The following NIPAL3 variants were observed in gnomAD, a reference collection of about 807,000 sequenced individuals.
NIPAL3 encodes the protein NIPA-like protein 3.
NIPAL3 carries 41 observed loss-of-function variants against 47.2 expected under a neutral mutation model. That is an observed-to-expected ratio of 0.87 (90% CI 0.68 to 1.13). The LOEUF (loss-of-function observed/expected upper bound fraction) is 1.13, where lower values mean the gene tolerates loss of function less well. NIPAL3 is among the 50% of genes most tolerant of loss of function. The pLI is 0.00. For missense variants in NIPAL3, 449 were observed against 530.1 expected (o/e 0.85, Z 1.50); for synonymous variants, 194 against 209.6 (o/e 0.93, Z 0.64).
At chr1:24,421,820 G>A (rs6686862) in intron 2 of NIPAL3, 17,182 of 152,232 alleles carry the variant, frequency 0.11, 1,018 homozygotes, top group African/African-American at 0.14. Context: ...TTAGAGACAA[G>A]GAGACTGAGA....
intron 2 of NIPAL3, among the ~76,000 whole-genome samples, chr1:24,434,202 C>T (rs747760203): frequency 6.6e-6 from 1 of 151,928 alleles, no homozygotes; most frequent in Non-Finnish European, 1.5e-5. Context: ...ACAAAAGATT[C>T]CCTTTAAATT....
rs1646104990 is a variant in NIPAL3, at chr1:24,454,489, C to T, written c.637+985C>T. 6.0e-6 allele frequency: 6 copies of T among 992,070 alleles called. No homozygotes were observed. In the South Asian group the frequency reaches 2.7e-4, roughly 45 times the overall value. The allele number at this position is 992,070 out of a possible 1,614,324, so 61.5% of individuals were successfully genotyped here. A position where few individuals can be genotyped will look rare whatever the true frequency, so the allele number is the denominator to read the frequency against. ...AACCTTCCTACTGTGTGCCCTACCACCGCCACAAGCCATCAACCAAATAGA... is the reference window on the plus strand; with the variant it reads ...AACCTTCCTACTGTGTGCCCTACCATCGCCACAAGCCATCAACCAAATAGA... On this transcript the variant is annotated intron_variant, in intron 7 of 11. Coordinates refer to ENST00000374399, the MANE Select transcript of NIPAL3 (RefSeq NM_020448.5). The surrounding 1 kb of genome is among the most constrained non-coding windows in gnomAD (Gnocchi z 4.1).
At position 24,469,119 on chromosome 1, in the gene NIPAL3, A is replaced by G. The variant is rs1186619778; in HGVS notation, c.1155A>G (p.Glu385=). The stretch of plus-strand genomic sequence containing the variant: ...CTGCCACCCTGCCAGTCATGCAAGA[A>G]GAGCACGGCTCCAGAAGTGCCTCTG... ...YAPATLPVMQ[E]EHGSRSASGV... Residue 385 remains glutamate (E), a synonymous_variant, in exon 12 of 12, where the codon GAA becomes GAG. Transcript: ENST00000374399. The G allele has an allele frequency of 6.2e-7, 1 of 1,614,084 alleles. No individual in the cohort carries two copies. The highest frequency in any genetic ancestry group is 8.5e-7 in the Non-Finnish European group (1 of 1,180,056).
At chr1:24,433,458 G>A (rs1644967196) in intron 2 of NIPAL3, among the ~76,000 whole-genome samples, 1 of 152,174 alleles carries the variant, frequency 6.6e-6, no homozygotes, top group African/African-American at 2.4e-5. Flanking sequence ...AAAACCTCAG[G>A]CTGGAAGTCT....
At position 24,416,223 on chromosome 1, in the gene NIPAL3, G is replaced by T. The variant is rs1644021708; in HGVS notation, c.-258+319G>T. On this transcript the variant is annotated intron_variant, in intron 1 of 11. Transcript: ENST00000374399. The surrounding 1 kb of genome is among the most constrained non-coding windows in gnomAD (Gnocchi z 4.8). ...GGCTTCCTGGCGGCAGCAGATGGTG[G>T]AGTTAGCAGGTGGGATGAGGGGAGG... 1 of 985,480 alleles carries T rather than the reference G, an allele frequency of 1.0e-6. No homozygotes were observed. Among genetic ancestry groups the T allele is most frequent in the Non-Finnish European group, 1.2e-6 (1 of 830,088 alleles). 61.0% of individuals were successfully genotyped at this position (985,480 alleles called of 1,614,324 possible).
intron 11 of NIPAL3, among the ~76,000 whole-genome samples, chr1:24,467,755 G>GC (rs1646759970): frequency 6.6e-6 from 1 of 152,122 alleles, no homozygotes; most frequent in Non-Finnish European, 1.5e-5. Context: ...CCAGTCAGGT[G>GC]TTGTAGCTCA....
intron 2 of NIPAL3, among the ~76,000 whole-genome samples, chr1:24,434,909 T>C (rs1232665579): frequency 3.9e-5 from 6 of 152,132 alleles, no homozygotes; most frequent in Non-Finnish European, 5.9e-5. Flanking sequence ...AAACTGATCC[T>C]AAAATCCATA....
chr1:24,467,912 T>C lies in NIPAL3; in HGVS notation c.1022-1074T>C, dbSNP rs537995461. Among the ~76,000 whole-genome samples the C allele has an allele frequency of 3.3e-5, 5 of 152,304 alleles. No homozygotes were observed. In the East Asian group the frequency reaches 9.6e-4, roughly 29 times the overall value. ...CCAGGGCATATTAAACAGTTAGATG[T>C]CAGCTGTTATTATCATCATAGTTTC... On this transcript the variant is annotated intron_variant, in intron 11 of 11. Transcript: ENST00000374399.
At chr1:24,445,002 C>G (rs925168458) in intron 4 of NIPAL3, among the ~76,000 whole-genome samples, 183 bp from the exon 5 acceptor site, 14 of 152,176 alleles carry the variant, frequency 9.2e-5, no homozygotes, top group African/African-American at 3.4e-4. Context: ...GGAAGGAAGG[C>G]TCCTCTCTGA....
In NIPAL3 at chr1:24,445,024, C is replaced by T. The variant is rs571685247; in HGVS notation, c.335-161C>T. Among the ~76,000 whole-genome samples, 6 of 152,268 alleles carry T rather than the reference C, an allele frequency of 3.9e-5. No homozygotes were observed. The South Asian group carries it at 1.2e-3, about 32-fold the overall frequency. ...AGGCTCCTCTCTGAGCCTCCCTTTC[C>T]TAGATGGAATCACACAGGAACCAAG... is the stretch of plus-strand genomic sequence containing the variant. On this transcript the variant is annotated intron_variant, in intron 4 of 11. Transcript: ENST00000374399.
chr1:24,457,854 T>C lies in NIPAL3; in HGVS notation c.774-1034T>C, dbSNP rs755079364. On this transcript the variant is annotated intron_variant, in intron 8 of 11. Transcript: ENST00000374399. ...GCCCGGTAAACATGAGCTGCTTCTA[T>C]GATTATTGGCCTTGCTATTGTTATT... The C allele has an allele frequency of 3.8e-5, 20 of 531,148 alleles. No homozygotes were observed. In the Admixed American group the frequency reaches 3.9e-4, roughly 10 times the overall value. The allele number at this position is 531,148 out of a possible 1,614,324, so 32.9% of individuals were successfully genotyped here. A position where few individuals can be genotyped will look rare whatever the true frequency, so the allele number is the denominator to read the frequency against.
At chr1:24,445,281 T>A (rs1329670417) in intron 5 of NIPAL3, 37 bp downstream of exon 5, 1 of 1,414,790 alleles carries the variant, frequency 7.1e-7, no homozygotes, top group South Asian at 1.2e-5. Flanking sequence ...CTTGATTTTA[T>A]ATGAACGCTT....
Position 24,469,307 on chromosome 1 carries a change from T to A in NIPAL3, c.*122T>A. 1 of 781,602 alleles carries A rather than the reference T, an allele frequency of 1.3e-6. No homozygotes were observed. The highest frequency in any genetic ancestry group is 2.0e-6 in the Non-Finnish European group (1 of 505,372). The allele number at this position is 781,602 out of a possible 1,614,324, so 48.4% of individuals were successfully genotyped here. A position where few individuals can be genotyped will look rare whatever the true frequency, so the allele number is the denominator to read the frequency against. ...ACTGAGAACTCTATGGATGATGATC[T>A]CAAAAAGCCTTTGTCTCTGGGAAAG... On this transcript the variant is annotated 3_prime_UTR_variant, in exon 12 of 12. Coordinates refer to ENST00000374399, the MANE Select transcript of NIPAL3 (RefSeq NM_020448.5).
At chr1:24,415,767 T>C (rs972893944), upstream of NIPAL3, 2 of 919,654 alleles carry the variant, frequency 2.2e-6, no homozygotes, top group East Asian at 1.2e-4. Context: ...ATCGCGACCT[T>C]TGAAAGCAAA....
intron 2 of NIPAL3, 145 bp from the exon 3 acceptor site, chr1:24,440,027 A>G (rs1645300178): frequency 6.1e-6 from 3 of 489,314 alleles, no homozygotes; most frequent in Non-Finnish European, 3.6e-6. Flanking sequence ...GTAACATTCC[A>G]GTTGTGGGTC....
intron 6 of NIPAL3, among the ~76,000 whole-genome samples, chr1:24,450,551 C>T (rs1645888849): frequency 1.3e-5 from 2 of 152,126 alleles, no homozygotes; most frequent in African/African-American, 2.4e-5. Context: ...GCTACTGGTA[C>T]GTTCTTGTTC....
chr1:24,460,099 T>C (rs1002194789), intron 9 of NIPAL3, among the ~76,000 whole-genome samples: 1 of 152,160 alleles, frequency 6.6e-6, no homozygotes, highest in Non-Finnish European at 1.5e-5. Context: ...AGGCACAAAC[T>C]GGTAAATAGG....
intron 2 of NIPAL3, among the ~76,000 whole-genome samples, chr1:24,439,052 G>T (rs112852628): frequency 6.6e-6 from 1 of 152,018 alleles, no homozygotes; most frequent in East Asian, 1.9e-4. Context: ...ACGGGGAGGG[G>T]TGGGGGTGAG....
intron 11 of NIPAL3, chr1:24,465,257 T>C (rs1011761332): frequency 4.6e-5 from 7 of 152,166 alleles, no homozygotes; most frequent in African/African-American, 1.7e-4. Context: ...AGATTCCTTT[T>C]TTGCTAACTT....
Sources: gnomAD v4.1 joint callset for allele counts (sites outside exome capture counted in the v4.1 genomes callset) on GRCh38, gnomAD v4.1.1 for gene constraint, Gnocchi (gnomAD v3.1) non-coding constraint, MANE v1.5 for transcripts, NCBI Gene and HGNC (gene_info 2026-07-23, HGNC 2026-07-21) for gene names.